The following FHIT variants were observed in gnomAD, a reference collection of about 807,000 sequenced individuals.
FHIT encodes the protein bis(5'-adenosyl)-triphosphatase.
FHIT carries 19 observed loss-of-function variants against 17.9 expected under a neutral mutation model. That is an observed-to-expected ratio of 1.06 (90% confidence interval 0.74 to 1.56). The LOEUF is 1.56. Ranked by LOEUF, FHIT falls within the 40% of genes most tolerant of loss-of-function variation. FHIT has a pLI of 0.00. For synonymous variants in FHIT, 81 were observed against 69.7 expected, an observed-to-expected ratio of 1.16 and a Z score of -0.81; for missense variants, 248 against 189.2, an observed-to-expected ratio of 1.31 and a Z score of -1.82.
chr3:60,652,504 A>ACTTTGCACTTT lies in FHIT; in HGVS notation c.-17-115526_-17-115525insAAAGTGCAAAG, dbSNP rs1553688533. On this transcript the variant is annotated intron_variant, in intron 4 of 9. Transcript: ENST00000492590. ...ATCCCAGCACTTTGGGAGGCCCAGG[A>ACTTTGCACTTT]GGGCGGATCATGAGGTCAGGATATC... Among the ~76,000 whole-genome samples, 38 of 152,012 alleles carry ACTTTGCACTTT rather than the reference A, an allele frequency of 2.5e-4. 1 individual carries two copies. The highest frequency in any genetic ancestry group is 1.0e-4 in the Non-Finnish European group (7 of 67,976).
At chr3:60,336,544 C>T (rs1416073577) in intron 5 of FHIT, among the ~76,000 whole-genome samples, 2 of 152,166 alleles carry the variant, frequency 1.3e-5, no homozygotes, top group African/African-American at 4.8e-5. Flanking sequence ...GCTCAAGAAT[C>T]ACCTCAGCTG....
intron 4 of FHIT, among the ~76,000 whole-genome samples, chr3:60,556,532 T>G (rs576360493): frequency 6.6e-6 from 1 of 152,310 alleles, no homozygotes; most frequent in East Asian, 1.9e-4. Context: ...ATTTGCTCAT[T>G]TAAACCCCAA....
chr3:60,275,690 A>T (rs1707096408), intron 5 of FHIT, among the ~76,000 whole-genome samples: 1 of 152,192 alleles, frequency 6.6e-6, no homozygotes, highest in Non-Finnish European at 1.5e-5. Flanking sequence ...TGTGATCAAT[A>T]AATGCATACT....
At chr3:60,025,295 G>A (rs1700699298) in intron 5 of FHIT, among the ~76,000 whole-genome samples, 1 of 152,152 alleles carries the variant, frequency 6.6e-6, no homozygotes. Flanking sequence ...GTGCATATGT[G>A]CACGCACACA....
intron 4 of FHIT, among the ~76,000 whole-genome samples, chr3:60,577,437 G>A (rs550316196): frequency 2.0e-5 from 3 of 152,116 alleles, no homozygotes; most frequent in Admixed American, 2.0e-4. Context: ...GAATTATGAG[G>A]ATTCAGATGT....
At chr3:61,043,450 T>C (rs1399321651) in intron 2 of FHIT, among the ~76,000 whole-genome samples, 1 of 152,152 alleles carries the variant, frequency 6.6e-6, no homozygotes, top group Non-Finnish European at 1.5e-5. Flanking sequence ...TTGCTGAGGC[T>C]TGAGTAGGAA....
chr3:60,263,904 G>A (rs181165283), intron 5 of FHIT, among the ~76,000 whole-genome samples: 2 of 151,500 alleles, frequency 1.3e-5, no homozygotes, highest in Admixed American at 6.6e-5. Flanking sequence ...AAACTGGTCT[G>A]GAGAAAGTGA....
At chr3:60,034,379 T>C (rs1701125610) in intron 5 of FHIT, among the ~76,000 whole-genome samples, 2 of 152,208 alleles carry the variant, frequency 1.3e-5, no homozygotes, top group South Asian at 4.1e-4. Flanking sequence ...CCCTTTCAAG[T>C]AGGAGACTAA....
At chr3:60,968,083 T>G (rs1709836393) in intron 3 of FHIT, among the ~76,000 whole-genome samples, 1 of 152,242 alleles carries the variant, frequency 6.6e-6, no homozygotes, top group Non-Finnish European at 1.5e-5. Flanking sequence ...AAGATCCATG[T>G]CCAGTCTGAT....
Position 60,876,342 on chromosome 3 carries a change from C to A in FHIT, c.-110-54331G>T, listed in dbSNP as rs77171804. Among the ~76,000 whole-genome samples, 1,171 of 152,204 alleles carry A rather than the reference C, an allele frequency of 7.7e-3. 24 individuals are homozygous for A. The highest frequency in any genetic ancestry group is 0.026 in the African/African-American group (1,100 of 41,534). ...CAGATTGCCCCTGCAATTAGAAGTA[C>A]AATTGATTACTGACTTCTAATTTTA... On this transcript the variant is annotated intron_variant, in intron 3 of 9. Transcript: ENST00000492590.
intron 5 of FHIT, among the ~76,000 whole-genome samples, chr3:60,093,409 C>A (rs566107542): frequency 6.6e-6 from 1 of 152,178 alleles, no homozygotes; most frequent in African/African-American, 2.4e-5. Context: ...TGAGATTACA[C>A]TGAGCCCACC....
chr3:60,320,732 T>C (rs1348337916), intron 5 of FHIT, among the ~76,000 whole-genome samples: 2 of 152,188 alleles, frequency 1.3e-5, no homozygotes, highest in Non-Finnish European at 2.9e-5. Flanking sequence ...TGCTATAATT[T>C]ATTTAAAATT....
At chr3:60,019,415 C>CTTTTTTTTTTTTTTTTTTTTT (rs1281567026) in intron 5 of FHIT, among the ~76,000 whole-genome samples, 6 of 121,094 alleles carry the variant, frequency 5.0e-5, no homozygotes, top group South Asian at 3.1e-4. Flanking sequence ...TGAGATGCTC[C>CTTTTTTTTTTTTTTTTTTTTT]TTTTTTTTTT....
chr3:60,400,471 G>A (rs1701618742), intron 5 of FHIT, among the ~76,000 whole-genome samples: 2 of 152,106 alleles, frequency 1.3e-5, no homozygotes, highest in African/African-American at 4.8e-5. Context: ...TATACCTCCA[G>A]GAAAAGAATG....
intron 4 of FHIT, among the ~76,000 whole-genome samples, chr3:60,611,407 G>A (rs1223532310): frequency 6.6e-6 from 1 of 152,118 alleles, no homozygotes; most frequent in Non-Finnish European, 1.5e-5. Context: ...CTAAGCATGT[G>A]GGAGTTATTT....
At chr3:61,180,051 G>A (rs1335636491) in intron 2 of FHIT, among the ~76,000 whole-genome samples, 1 of 152,150 alleles carries the variant, frequency 6.6e-6, no homozygotes, top group Non-Finnish European at 1.5e-5. Context: ...CTGAGAAAGA[G>A]GGTGGGCACT....
intron 5 of FHIT, among the ~76,000 whole-genome samples, chr3:60,489,050 A>C (rs1559486586): frequency 6.6e-6 from 1 of 152,160 alleles, no homozygotes; most frequent in Non-Finnish European, 1.5e-5. Context: ...GGGATTTCCA[A>C]GAGAGACCAT....
chr3:60,316,463 AAGTG>A (rs1407755001), intron 5 of FHIT, among the ~76,000 whole-genome samples: 3 of 152,208 alleles, frequency 2.0e-5, no homozygotes, highest in Admixed American at 2.0e-4. Context: ...CATTTAGGAC[AAGTG>A]AGTAAGCAAA....
At chr3:61,077,465 AAAAC>A (rs1026862267) in intron 2 of FHIT, among the ~76,000 whole-genome samples, 29 of 152,052 alleles carry the variant, frequency 1.9e-4, no homozygotes, top group Admixed American at 5.9e-4. Context: ...ATTATTAAAA[AAAAC>A]AAACAAACAA....
Sources: gnomAD v4.1 joint callset for allele counts (sites outside exome capture counted in the v4.1 genomes callset) on GRCh38, gnomAD v4.1.1 for gene constraint, MANE v1.5 for transcripts, NCBI Gene and HGNC (gene_info 2026-07-23, HGNC 2026-07-21) for gene names.